The following SNAP29 variants were observed in gnomAD, a reference collection of about 807,000 sequenced individuals.
The protein encoded by SNAP29 is synaptosomal-associated protein 29.
In SNAP29, 13 loss-of-function variants were observed where a neutral mutation model predicts 27.9. The ratio of observed to expected loss-of-function variants is 0.47; its 90% CI spans 0.30 to 0.74. SNAP29 has a LOEUF of 0.74. SNAP29 is among the 30% of genes least tolerant of loss of function. The probability of loss-of-function intolerance (pLI) is 0.06; values close to 1 mark genes in which losing one functional copy is unlikely to be tolerated. For synonymous variants in SNAP29, 119 were observed against 127.1 expected (o/e 0.94, Z 0.43); for missense variants, 368 against 336.5 (o/e 1.09, Z -0.73).
At chr22:20,860,867 G>A (rs890494128) in intron 1 of SNAP29, among the ~76,000 whole-genome samples, 9 of 149,696 alleles carry the variant, frequency 6.0e-5, no homozygotes, top group Non-Finnish European at 8.8e-5. Context: ...GGGTAACTGC[G>A]TCTCTACAAA....
chr22:20,871,125 GAA>G (rs362232), intron 2 of SNAP29: 24 of 108,184 alleles, frequency 2.2e-4, no homozygotes, highest in South Asian at 3.1e-4. Context: ...CCTGTCTCAA[GAA>G]AAAAAAAAAA....
intron 4 of SNAP29, among the ~76,000 whole-genome samples, chr22:20,887,410 C>A (rs1433095398): frequency 2.6e-5 from 4 of 151,902 alleles, no homozygotes; most frequent in Non-Finnish European, 5.9e-5. Flanking sequence ...AGTAAAAAGG[C>A]AGAAAGCAGC....
chr22:20,882,909 C>T (rs777352518), intron 3 of SNAP29, among the ~76,000 whole-genome samples: 2 of 151,538 alleles, frequency 1.3e-5, no homozygotes, highest in Non-Finnish European at 2.9e-5. Flanking sequence ...AACTGAAGTT[C>T]ATTCAAGCCA....
intron 1 of SNAP29, among the ~76,000 whole-genome samples, chr22:20,860,371 CTTTT>C (rs361726): frequency 9.0e-5 from 12 of 133,904 alleles, no homozygotes; most frequent in Non-Finnish European, 1.3e-4. Context: ...TTTTCTTTTT[CTTTT>C]TTTTTTTTTT....
At chr22:20,883,318 C>T (rs536773135) in intron 3 of SNAP29, among the ~76,000 whole-genome samples, 153 bp from the exon 4 acceptor site, 46 of 152,298 alleles carry the variant, frequency 3.0e-4, no homozygotes, top group South Asian at 1.2e-3. Flanking sequence ...CATGAGCCTG[C>T]GCTGTGCTCC....
intron 4 of SNAP29, among the ~76,000 whole-genome samples, chr22:20,886,009 T>G (rs1025681944): frequency 2.0e-5 from 3 of 152,152 alleles, no homozygotes; most frequent in Non-Finnish European, 4.4e-5. Flanking sequence ...TGGCTGCCAG[T>G]GAGCTTCCTC....
At chr22:20,879,374 CT>C (rs1345292174) in intron 2 of SNAP29, among the ~76,000 whole-genome samples, 19 of 150,442 alleles carry the variant, frequency 1.3e-4, no homozygotes, top group Non-Finnish European at 2.1e-4. Flanking sequence ...AATCCTGGCA[CT>C]TTTGGAGGCT....
Position 20,859,130 on chromosome 22 carries a change from G to A in SNAP29, c.20G>A (p.Ser7Asn), listed in dbSNP as rs1210981514. The change falls in exon 1 of 5, where the codon AGC (serine) becomes AAC (asparagine). Residue 7 changes from serine to asparagine, a missense_variant. Transcript: ENST00000215730. MSAYPK[S>N]YNPFDDDGED... is the part of the protein sequence containing the mutation. ...GGCACCATGTCAGCTTACCCTAAAA[G>A]CTACAATCCGTTCGACGACGACGGG... 8 of 1,607,840 alleles carry A rather than the reference G, an allele frequency of 5.0e-6. 1 individual carries two copies. Among genetic ancestry groups the A allele is most frequent in the African/African-American group, 1.3e-5 (1 of 74,914 alleles).
At chr22:20,862,027 C>T (rs1928337158) in intron 1 of SNAP29, among the ~76,000 whole-genome samples, 1 of 152,360 alleles carries the variant, frequency 6.6e-6, no homozygotes, top group South Asian at 2.1e-4. Context: ...ACCTCAGCCT[C>T]CCAAAGTGCT....
intron 1 of SNAP29, among the ~76,000 whole-genome samples, chr22:20,867,222 G>T (rs966101571): frequency 2.6e-5 from 4 of 152,140 alleles, no homozygotes; most frequent in Non-Finnish European, 4.4e-5. Flanking sequence ...TTGCATGTGC[G>T]TCCTTTACAC....
chr22:20,866,892 C>T (rs1928472319), intron 1 of SNAP29, among the ~76,000 whole-genome samples: 1 of 152,162 alleles, frequency 6.6e-6, no homozygotes, highest in Non-Finnish European at 1.5e-5. Context: ...AAAGAGTCTG[C>T]AGGGAGAGGT....
In SNAP29 at chr22:20,859,046, C is replaced by G. The variant is rs1031237551; in HGVS notation, c.-65C>G. 1.0e-5 allele frequency: 15 copies of G among 1,439,830 alleles called. No individual in the cohort carries two copies. The highest frequency in any genetic ancestry group is 1.4e-5 in the African/African-American group (1 of 72,054). 89.2% of individuals were successfully genotyped at this position (1,439,830 alleles called of 1,614,324 possible). A position where few individuals can be genotyped will look rare whatever the true frequency, so the allele number is the denominator to read the frequency against. On this transcript the variant is annotated 5_prime_UTR_variant, in exon 1 of 5. Coordinates refer to ENST00000215730, the MANE Select transcript of SNAP29 (RefSeq NM_004782.4). The stretch of plus-strand genomic sequence containing the variant: ...CGCGGGGTCGGCGGGCGGGGCGAGG[C>G]CCTGGACGGCGGCGGCAGTGGGGCT...
At chr22:20,867,324 T>A (rs1928483810) in intron 1 of SNAP29, among the ~76,000 whole-genome samples, 1 of 151,858 alleles carries the variant, frequency 6.6e-6, no homozygotes, top group Admixed American at 6.6e-5. Flanking sequence ...AGATGGGCCG[T>A]GGCTCTGCGG....
At chr22:20,863,211 G>C (rs1419337464) in intron 1 of SNAP29, among the ~76,000 whole-genome samples, 2 of 152,090 alleles carry the variant, frequency 1.3e-5, no homozygotes, top group Admixed American at 1.3e-4. Flanking sequence ...CATTCCCTTT[G>C]GTGTTGGGAT....
At chr22:20,869,088 G>A (rs576214809) in intron 1 of SNAP29, among the ~76,000 whole-genome samples, 7 of 152,226 alleles carry the variant, frequency 4.6e-5, no homozygotes, top group South Asian at 2.1e-4. Context: ...GTGAAACCCC[G>A]TCTCTACCAA....
rs769661584 is a variant in SNAP29, at chr22:20,887,751, A to G, written c.692A>G (p.Asp231Gly). Residue 231 changes from aspartate to glycine, a missense_variant, in exon 5 of 5, where the codon GAT becomes GGT. Transcript: ENST00000215730. ...LGMQTEIEEQDDILDRLTTKV... is the reference protein window; with the variant it reads ...LGMQTEIEEQGDILDRLTTKV... Reference sequence around the variant, plus strand: ...ATGCAGACAGAAATTGAGGAGCAAGATGACATTCTTGACCGGCTGACAACC... The same window carrying G: ...ATGCAGACAGAAATTGAGGAGCAAGGTGACATTCTTGACCGGCTGACAACC... 2.5e-6 allele frequency: 4 copies of G among 1,614,220 alleles called. No individual in the cohort carries two copies. In the Admixed American group the frequency reaches 6.7e-5, roughly 27 times the overall value.
chr22:20,882,445 T>C (rs1336889139), intron 3 of SNAP29, among the ~76,000 whole-genome samples: 1 of 152,070 alleles, frequency 6.6e-6, no homozygotes, highest in Non-Finnish European at 1.5e-5. Flanking sequence ...TTGAAATTGG[T>C]GCTAGAAACC....
At chr22:20,870,280 C>T (rs1928554703) in intron 1 of SNAP29, 57 bp from the exon 2 acceptor site, 4 of 1,548,224 alleles carry the variant, frequency 2.6e-6, no homozygotes, top group Non-Finnish European at 8.9e-7. Context: ...TGGTCCTTGA[C>T]TGCCCTGGGG....
intron 4 of SNAP29, among the ~76,000 whole-genome samples, chr22:20,886,959 C>G (rs1216320460): frequency 6.6e-6 from 1 of 151,982 alleles, no homozygotes; most frequent in Non-Finnish European, 1.5e-5. Flanking sequence ...CGCGGTGGCT[C>G]ACGCCTGTAA....
Sources: gnomAD v4.1 joint callset for allele counts (sites outside exome capture counted in the v4.1 genomes callset) on GRCh38, gnomAD v4.1.1 for gene constraint, MANE v1.5 for transcripts, NCBI Gene and HGNC (gene_info 2026-07-23, HGNC 2026-07-21) for gene names.